DGKH: variants seen among roughly 807,000 people sequenced by gnomAD.
DGKH encodes the protein DAG kinase eta.
In DGKH, 90 loss-of-function variants were observed where a neutral mutation model predicts 159.3. The observed-to-expected ratio is 0.57, with a 90% CI of 0.48 to 0.67. The LOEUF is 0.67. Among genes scored for constraint, DGKH ranks in the 30% least tolerant of loss-of-function variants. The pLI is 0.00. For missense variants in DGKH, 1,181 were observed against 1,506.1 expected (o/e 0.78, Z 3.57); for synonymous variants, 536 against 553.8 (o/e 0.97, Z 0.45).
chr13:42,206,227 G>T, intron 21 of DGKH, 81 bp downstream of exon 21: 1 of 805,832 alleles, frequency 1.2e-6, no homozygotes, highest in South Asian at 4.6e-5. Flanking sequence ...ATGGGCTGTT[G>T]AATAGTAGTT....
At chr13:42,181,641 G>T in intron 13 of DGKH, 1 of 314,036 alleles carries the variant, frequency 3.2e-6, no homozygotes, top group South Asian at 2.5e-5. Context: ...GTCAGGCCTT[G>T]TGAGCCCAGC....
intron 21 of DGKH, among the ~76,000 whole-genome samples, chr13:42,208,621 C>T (rs749320187): frequency 5.9e-5 from 9 of 151,672 alleles, no homozygotes; most frequent in Admixed American, 2.6e-4. Context: ...TTACATGTAT[C>T]ATCTTATTAA....
chr13:42,208,609 A>T (rs1356509660), intron 21 of DGKH, among the ~76,000 whole-genome samples: 1 of 151,910 alleles, frequency 6.6e-6, no homozygotes, highest in Admixed American at 6.6e-5. Context: ...GATTTCCAAA[A>T]CTTACATGTA....
intron 12 of DGKH, among the ~76,000 whole-genome samples, chr13:42,177,237 A>G (rs1744813992): frequency 2.0e-5 from 3 of 149,570 alleles, no homozygotes; most frequent in African/African-American, 7.3e-5. Context: ...GACTTCTAAT[A>G]GCATAGATTG....
chr13:42,104,926 A>G (rs1954718831), intron 1 of DGKH, among the ~76,000 whole-genome samples: 1 of 152,208 alleles, frequency 6.6e-6, no homozygotes, highest in South Asian at 2.1e-4. Context: ...AATAGACATT[A>G]CAAAAAAAAG....
chr13:42,144,332 A>T (rs17062928), intron 3 of DGKH, among the ~76,000 whole-genome samples: 13,999 of 152,150 alleles, frequency 0.092, 1,494 homozygotes, highest in African/African-American at 0.26. Flanking sequence ...AAGCCTGGTG[A>T]AGTCCTGAAT....
chr13:42,194,449 G>A (rs1371828169), intron 16 of DGKH, among the ~76,000 whole-genome samples: 7 of 152,176 alleles, frequency 4.6e-5, no homozygotes, highest in Admixed American at 4.6e-4. Context: ...ATTTATTGAA[G>A]ACAATGTTAA....
intron 18 of DGKH, 122 bp downstream of exon 18, chr13:42,198,717 T>C: frequency 1.1e-6 from 1 of 922,478 alleles, no homozygotes; most frequent in Non-Finnish European, 1.6e-6. Flanking sequence ...AAAAGGATGA[T>C]CAGAAAATTA....
intron 1 of DGKH, among the ~76,000 whole-genome samples, chr13:42,065,671 G>A (rs1444943319): frequency 6.6e-6 from 1 of 152,156 alleles, no homozygotes; most frequent in Non-Finnish European, 1.5e-5. Context: ...GGTAGTTGAA[G>A]GGAGAGGCGA....
intron 16 of DGKH, among the ~76,000 whole-genome samples, chr13:42,192,382 T>C (rs1379923976): frequency 6.6e-6 from 1 of 152,178 alleles, no homozygotes; most frequent in Admixed American, 6.6e-5. Context: ...CCTAAATTTC[T>C]ACCCATGATT....
chr13:42,138,820 T>A (rs915130993), intron 3 of DGKH, among the ~76,000 whole-genome samples: 1 of 152,184 alleles, frequency 6.6e-6, no homozygotes, highest in Non-Finnish European at 1.5e-5. Flanking sequence ...ACATTTATAT[T>A]AGTTAAAATA....
rs1389912924 is a variant in DGKH, at chr13:42,238,071, T to C, written c.*8883T>C. 1 of 152,256 alleles carries C rather than the reference T, an allele frequency of 6.6e-6. No individual in the cohort carries two copies. Among genetic ancestry groups the C allele is most frequent in the Non-Finnish European group, 1.5e-5 (1 of 68,048 alleles). The allele number at this position is 152,256 out of a possible 1,614,324, so 9.4% of individuals were successfully genotyped here. A position where few individuals can be genotyped will look rare whatever the true frequency, so the allele number is the denominator to read the frequency against. On this transcript the variant is annotated 3_prime_UTR_variant, in exon 30 of 30. Coordinates refer to ENST00000337343, the MANE Select transcript of DGKH (RefSeq NM_178009.5). ...CTCATTGTGTCCTTTCTACAAGTTA[T>C]GTTTTGGTGACTTGGTGTCCCCAGT...
chr13:42,227,372 AAAG>A (rs1324995086), intron 29 of DGKH, among the ~76,000 whole-genome samples: 1 of 152,234 alleles, frequency 6.6e-6, no homozygotes, highest in Non-Finnish European at 1.5e-5. Flanking sequence ...TACCTCCCCC[AAAG>A]AAGATTTAGT....
rs1374692733 is a variant in DGKH, at chr13:42,168,382, A to G, written c.1119-58A>G. On this transcript the variant is annotated intron_variant, in intron 9 of 29. Coordinates refer to ENST00000337343, the MANE Select transcript of DGKH (RefSeq NM_178009.5). The stretch of plus-strand genomic sequence containing the variant: ...TGAATACTGATACAGAATAACAAAG[A>G]ATTGAGGAAAGTGATTTTTATTTCT... The G allele has an allele frequency of 5.6e-6, 8 of 1,426,578 alleles. No individual in the cohort carries two copies. In the Admixed American group the frequency reaches 5.8e-5, roughly 10 times the overall value. The allele number at this position is 1,426,578 out of a possible 1,614,324, so 88.4% of individuals were successfully genotyped here. A position where few individuals can be genotyped will look rare whatever the true frequency, so the allele number is the denominator to read the frequency against.
chr13:42,106,714 T>C (rs1199256500), intron 1 of DGKH, among the ~76,000 whole-genome samples: 2 of 152,202 alleles, frequency 1.3e-5, no homozygotes, highest in East Asian at 1.9e-4. Flanking sequence ...CCTCATACTG[T>C]AATACAGATT....
chr13:42,087,112 T>G (rs1264538830), intron 1 of DGKH, among the ~76,000 whole-genome samples: 2 of 139,078 alleles, frequency 1.4e-5, no homozygotes, highest in Non-Finnish European at 3.1e-5. Flanking sequence ...ACAACAATCC[T>G]TGAAGCTCAT....
intron 3 of DGKH, among the ~76,000 whole-genome samples, chr13:42,143,685 G>T (rs1204908214): frequency 6.6e-6 from 1 of 152,004 alleles, no homozygotes; most frequent in African/African-American, 2.4e-5. Flanking sequence ...GTTTATTTGC[G>T]TAGAGGTGTT....
intron 20 of DGKH, among the ~76,000 whole-genome samples, chr13:42,205,180 A>C (rs1179621883): frequency 1.3e-5 from 2 of 152,176 alleles, no homozygotes; most frequent in African/African-American, 2.4e-5. Context: ...CACTTAGAAA[A>C]ATGTTAAGTG....
At chr13:42,079,522 C>A (rs575800789) in intron 1 of DGKH, among the ~76,000 whole-genome samples, 2 of 152,160 alleles carry the variant, frequency 1.3e-5, no homozygotes, top group Admixed American at 6.5e-5. Context: ...CTTAAAGAAA[C>A]CTCTAGGTTT....
Sources: gnomAD v4.1 joint callset for allele counts (sites outside exome capture counted in the v4.1 genomes callset) on GRCh38, gnomAD v4.1.1 for gene constraint, MANE v1.5 for transcripts, NCBI Gene and HGNC (gene_info 2026-07-23, HGNC 2026-07-21) for gene names.